Variants in ARAP2 observed in about 807,000 individuals in gnomAD.
The protein encoded by ARAP2 is ArfGAP with RhoGAP domain, ankyrin repeat and PH domain 2.
ARAP2 carries 148 observed loss-of-function variants against 194.5 expected under a neutral mutation model. That is an observed-to-expected ratio of 0.76 (90% confidence interval 0.67 to 0.87). The LOEUF (loss-of-function observed/expected upper bound fraction) is 0.87. Among genes scored for constraint, ARAP2 ranks in the 40% least tolerant of loss-of-function variants. The probability of loss-of-function intolerance (pLI) is 0.00; values close to 1 mark genes in which losing one functional copy is unlikely to be tolerated. For synonymous variants in ARAP2, 695 were observed against 683.5 expected, an observed-to-expected ratio of 1.02 and a Z score of -0.26; for missense variants, 2,128 against 1,989.7, an observed-to-expected ratio of 1.07 and a Z score of -1.32.
At chr4:36,090,063 A>C (rs985831648) in intron 28 of ARAP2, among the ~76,000 whole-genome samples, 7 of 152,092 alleles carry the variant, frequency 4.6e-5, no homozygotes, top group African/African-American at 1.7e-4. Flanking sequence ...AATCAGAAAC[A>C]ATAAGGGGGA....
intron 14 of ARAP2, 28 bp from the exon 15 acceptor site, chr4:36,158,892 A>T: frequency 1.9e-6 from 3 of 1,565,186 alleles, no homozygotes; most frequent in Non-Finnish European, 2.6e-6. Context: ...ATAAGGCACA[A>T]GAAATCTAAA....
In ARAP2 at chr4:36,214,515, AAATATTTAT is replaced by A. The variant is rs748026061; in HGVS notation, c.906-44_906-36del. 2.1e-6 allele frequency: 3 copies of A among 1,421,694 alleles called. No individual in the cohort carries two copies. The Admixed American group carries it at 5.6e-5, about 27-fold the overall frequency. The allele number at this position is 1,421,694 out of a possible 1,614,324, so 88.1% of individuals were successfully genotyped here. On this transcript the variant is annotated intron_variant, in intron 2 of 32. Coordinates refer to ENST00000303965, the MANE Select transcript of ARAP2 (RefSeq NM_015230.4). Reference sequence around the variant, plus strand: ...CAAAGGAGAAAATACTTATGAGTGAAAATATTTATGATATTTATGAGTAAAATTAAAATT... The same window carrying A: ...CAAAGGAGAAAATACTTATGAGTGAAGATATTTATGAGTAAAATTAAAATT...
At chr4:36,186,709 T>C (rs539111322) in intron 8 of ARAP2, among the ~76,000 whole-genome samples, 2 of 152,358 alleles carry the variant, frequency 1.3e-5, no homozygotes, top group South Asian at 2.1e-4. Context: ...CAGGTGGCAT[T>C]AGATTCTCAC....
intron 13 of ARAP2, chr4:36,160,227 C>T (rs1227748414): frequency 9.0e-7 from 1 of 1,113,368 alleles, no homozygotes; most frequent in Non-Finnish European, 1.1e-6. Flanking sequence ...CAGATTGTGG[C>T]AACAAGAGTT....
intron 3 of ARAP2, among the ~76,000 whole-genome samples, chr4:36,214,165 G>A (rs1747396915): frequency 1.3e-5 from 2 of 152,076 alleles, no homozygotes; most frequent in African/African-American, 2.4e-5. Context: ...CTGCAACTGT[G>A]GCTAATGATA....
At chr4:36,009,871 T>C (rs1310238826) in intron 9 of ARAP2, among the ~76,000 whole-genome samples, 1 of 102,006 alleles carries the variant, frequency 9.8e-6, no homozygotes, top group Non-Finnish European at 2.1e-5. Flanking sequence ...AGAAGCTCCT[T>C]GTTTTTTTTG....
At chr4:36,158,447 G>T (rs1733103692) in intron 15 of ARAP2, among the ~76,000 whole-genome samples, 1 of 152,102 alleles carries the variant, frequency 6.6e-6, no homozygotes, top group Non-Finnish European at 1.5e-5. Context: ...AAGGGGCTGA[G>T]TTATAAAGGA....
intron 6 of ARAP2, among the ~76,000 whole-genome samples, chr4:36,206,153 A>G (rs1745487438): frequency 1.3e-5 from 2 of 152,200 alleles, no homozygotes; most frequent in Non-Finnish European, 2.9e-5. Context: ...GTTCCAGTAA[A>G]GGAGCCTTGG....
chr4:36,080,278 G>A lies in ARAP2; in HGVS notation c.4546C>T (p.His1516Tyr), dbSNP rs1223576959. ...LTAYSEKHHWHLCCDSSRTQT... is the reference protein window; with the variant it reads ...LTAYSEKHHWYLCCDSSRTQT... The stretch of plus-strand genomic sequence containing the variant: ...GTTCGTGAACTATCACAACACAGGT[G>A]CCTGCAAAACGAGGTTTATAAACTA... Residue 1516 changes from histidine (H) to tyrosine (Y), a missense_variant and splice_region_variant, in exon 31 of 33, where the codon CAC becomes TAC. Coordinates refer to ENST00000303965, the MANE Select transcript of ARAP2 (RefSeq NM_015230.4). 1.7e-5 allele frequency: 28 copies of A among 1,611,946 alleles called. No homozygotes were observed. Among genetic ancestry groups the A allele is most frequent in the Non-Finnish European group, 2.2e-5 (26 of 1,178,568 alleles).
chr4:36,193,133 T>C (rs1742312038), intron 7 of ARAP2, among the ~76,000 whole-genome samples: 1 of 152,240 alleles, frequency 6.6e-6, no homozygotes, highest in South Asian at 2.1e-4. Flanking sequence ...CCTCTCTATA[T>C]CTTCCATTAT....
intron 21 of ARAP2, among the ~76,000 whole-genome samples, chr4:36,127,193 G>C (rs1724146559): frequency 6.6e-6 from 1 of 152,162 alleles, no homozygotes; most frequent in South Asian, 2.1e-4. Flanking sequence ...AGTCTATAAA[G>C]TAGAGATACT....
chr4:36,123,585 G>A (rs572855971), intron 22 of ARAP2, among the ~76,000 whole-genome samples: 11 of 151,622 alleles, frequency 7.3e-5, no homozygotes, highest in African/African-American at 2.7e-4. Flanking sequence ...TCCATATTCA[G>A]CTTGCCCAGT....
chr4:36,177,800 A>G (rs1322802316), intron 9 of ARAP2, 27 bp downstream of exon 9: 1 of 1,526,290 alleles, frequency 6.6e-7, no homozygotes, highest in South Asian at 1.3e-5. Flanking sequence ...AATAGCAGCA[A>G]TTTGCAATGA....
intron 2 of ARAP2, among the ~76,000 whole-genome samples, chr4:36,215,095 A>G (rs1747619799): frequency 6.6e-6 from 1 of 152,222 alleles, no homozygotes; most frequent in African/African-American, 2.4e-5. Context: ...CTTCTATCAT[A>G]TAACAGAGTT....
At chr4:36,073,879 TGTCATAAA>T in intron 31 of ARAP2, 56 bp from the exon 32 acceptor site, 4 of 1,585,482 alleles carry the variant, frequency 2.5e-6, no homozygotes, top group Non-Finnish European at 3.4e-6. Context: ...TGGTATACTA[TGTCATAAA>T]GCCACTTGGT....
Position 36,216,875 on chromosome 4 carries a change from T to C in ARAP2, c.906-2395A>G, listed in dbSNP as rs1748040651. Among the ~76,000 whole-genome samples the C allele has an allele frequency of 1.3e-5, 2 of 152,206 alleles. 1 individual carries two copies. The highest frequency in any genetic ancestry group is 4.1e-4 in the South Asian group (2 of 4,834). ...CTGAGAAATAGGTTGTTAGGCAATTTCATCATTTTGCAAACATCATGGAGT... is the reference window on the plus strand; with the variant it reads ...CTGAGAAATAGGTTGTTAGGCAATTCCATCATTTTGCAAACATCATGGAGT... On this transcript the variant is annotated intron_variant, in intron 2 of 32. Transcript: ENST00000303965.
intron 32 of ARAP2, among the ~76,000 whole-genome samples, chr4:36,071,703 T>C (rs6830646): frequency 0.034 from 4,842 of 144,286 alleles, 253 homozygotes; most frequent in African/African-American, 0.11. Flanking sequence ...ATTTTTTTTC[T>C]TTTTTTTTTA....
At chr4:36,164,804 TG>T in intron 11 of ARAP2, 109 bp downstream of exon 11, 2 of 1,040,064 alleles carry the variant, frequency 1.9e-6, no homozygotes, top group Non-Finnish European at 2.8e-6. Flanking sequence ...AAGCTTTCTC[TG>T]GTTTTACTTC....
chr4:36,045,889 T>A (rs955670531), intron 5 of ARAP2: 3 of 152,032 alleles, frequency 2.0e-5, no homozygotes, highest in African/African-American at 7.2e-5. Context: ...ATGGAAAATT[T>A]ATAAAGTAAG....
Sources: gnomAD v4.1 joint callset for allele counts (sites outside exome capture counted in the v4.1 genomes callset) on GRCh38, gnomAD v4.1.1 for gene constraint, MANE v1.5 for transcripts, NCBI Gene and HGNC (gene_info 2026-07-23, HGNC 2026-07-21) for gene names.